CCSER1: variants seen among roughly 807,000 people sequenced by gnomAD.
CCSER1 encodes coiled-coil serine rich protein 1, also known as serine-rich coiled-coil domain-containing protein 1.
In CCSER1, 41 loss-of-function variants were observed where a neutral mutation model predicts 82.0. The ratio of observed to expected loss-of-function variants is 0.50; its 90% CI spans 0.39 to 0.65. CCSER1 has a LOEUF of 0.65. Among genes scored for constraint, CCSER1 ranks in the 30% least tolerant of loss-of-function variants. The probability of loss-of-function intolerance (pLI) is 0.00; values close to 1 mark genes in which losing one functional copy is unlikely to be tolerated. For synonymous variants in CCSER1, 414 were observed against 383.9 expected, an observed-to-expected ratio of 1.08 and a Z score of -0.92; for missense variants, 1,119 against 1,064.2, an observed-to-expected ratio of 1.05 and a Z score of -0.72.
intron 10 of CCSER1, among the ~76,000 whole-genome samples, chr4:91,446,648 T>C (rs1755577853): frequency 7.4e-6 from 1 of 134,408 alleles, no homozygotes; most frequent in African/African-American, 2.7e-5. Flanking sequence ...AATGAATATT[T>C]TATACAAATA....
intron 10 of CCSER1, among the ~76,000 whole-genome samples, chr4:91,153,913 G>A (rs770065852): frequency 8.6e-5 from 13 of 151,824 alleles, no homozygotes; most frequent in Admixed American, 2.0e-4. Context: ...GGTGTCAGTC[G>A]GCCCCTACTG....
chr4:91,301,800 T>C (rs1744690077), intron 10 of CCSER1, among the ~76,000 whole-genome samples: 1 of 151,814 alleles, frequency 6.6e-6, no homozygotes, highest in Admixed American at 6.6e-5. Flanking sequence ...GAAAGTAAAT[T>C]AAGCCACCAA....
intron 1 of CCSER1, among the ~76,000 whole-genome samples, chr4:90,253,181 T>G (rs1426713757): frequency 6.6e-6 from 1 of 152,080 alleles, no homozygotes; most frequent in Non-Finnish European, 1.5e-5. Context: ...GGCCCAACAA[T>G]ATAATTATGT....
chr4:91,263,940 A>AATG (rs1290480081), intron 10 of CCSER1, among the ~76,000 whole-genome samples: 9 of 151,936 alleles, frequency 5.9e-5, no homozygotes, highest in Non-Finnish European at 1.3e-4. Context: ...GACAACTTGA[A>AATG]GTTTCTTCCA....
At chr4:90,436,810 CTTT>C (rs989339206) in intron 4 of CCSER1, among the ~76,000 whole-genome samples, 2 of 140,488 alleles carry the variant, frequency 1.4e-5, no homozygotes, top group Admixed American at 7.1e-5. Flanking sequence ...ATATTAGTTC[CTTT>C]TTTTTTTTTT....
At chr4:90,172,347 G>A (rs986740847) in intron 1 of CCSER1, among the ~76,000 whole-genome samples, 2 of 151,780 alleles carry the variant, frequency 1.3e-5, no homozygotes, top group African/African-American at 4.8e-5. Flanking sequence ...TAGTGCAAAG[G>A]CATGCAAATA....
At chr4:90,147,945 AC>A (rs1451647773) in intron 1 of CCSER1, among the ~76,000 whole-genome samples, 2 of 152,166 alleles carry the variant, frequency 1.3e-5, no homozygotes, top group Non-Finnish European at 2.9e-5. Context: ...TGGATAGATC[AC>A]TTGAGGTCGG....
At chr4:91,347,347 C>T (rs967537482) in intron 10 of CCSER1, among the ~76,000 whole-genome samples, 1 of 152,130 alleles carries the variant, frequency 6.6e-6, no homozygotes, top group African/African-American at 2.4e-5. Context: ...CAACCTCACA[C>T]TGTCTTGATT....
chr4:90,168,606 T>C (rs1327617035), intron 1 of CCSER1, among the ~76,000 whole-genome samples: 1 of 152,222 alleles, frequency 6.6e-6, no homozygotes, highest in Non-Finnish European at 1.5e-5. Context: ...TTTATGGTTT[T>C]AGGTCTAACA....
At chr4:91,104,079 T>C (rs1032205520) in intron 10 of CCSER1, among the ~76,000 whole-genome samples, 12 of 152,160 alleles carry the variant, frequency 7.9e-5, no homozygotes, top group Admixed American at 2.6e-4. Context: ...TGCAGTACCC[T>C]TAGGCTTACT....
intron 9 of CCSER1, among the ~76,000 whole-genome samples, chr4:90,998,553 A>C (rs903192048): frequency 3.3e-5 from 5 of 152,164 alleles, no homozygotes; most frequent in African/African-American, 1.2e-4. Flanking sequence ...TTTATTTTAC[A>C]CCAATTTGCA....
chr4:90,738,388 T>C lies in CCSER1; in HGVS notation c.2010+14397T>C, dbSNP rs190302261. ...CAGACTCATAGGGGTACTGCCTTGG[T>C]TCTTGGCTAGGGTCAGGCGAATTTT... On this transcript the variant is annotated intron_variant, in intron 7 of 10. Transcript: ENST00000509176. Among the ~76,000 whole-genome samples, 218 of 152,268 alleles carry C rather than the reference T, an allele frequency of 1.4e-3. 2 individuals are homozygous for C. Among genetic ancestry groups the C allele is most frequent in the African/African-American group, 4.8e-3 (198 of 41,540 alleles).
intron 8 of CCSER1, among the ~76,000 whole-genome samples, chr4:90,820,788 G>A (rs1323681175): frequency 6.6e-6 from 1 of 151,366 alleles, no homozygotes; most frequent in Non-Finnish European, 1.5e-5. Context: ...TAAGTGGAGG[G>A]AAAAGCAGAT....
At chr4:90,530,801 G>T (rs1394032733) in intron 5 of CCSER1, among the ~76,000 whole-genome samples, 2 of 152,178 alleles carry the variant, frequency 1.3e-5, no homozygotes, top group South Asian at 2.1e-4. Flanking sequence ...TCTGCTCCTG[G>T]CTTCTGCAGC....
intron 1 of CCSER1, among the ~76,000 whole-genome samples, chr4:90,174,724 A>G (rs6532214): frequency 0.28 from 42,724 of 151,824 alleles, 7,587 homozygotes; most frequent in East Asian, 0.65. Flanking sequence ...TGAGGAAACT[A>G]CCTGAGGCCT....
Position 91,515,028 on chromosome 4 carries a change from A to ATGATGT in CCSER1, c.2218-83542_2218-83537dup, listed in dbSNP as rs565330367. On this transcript the variant is annotated intron_variant, in intron 10 of 10. Transcript: ENST00000509176. ...AAACACCCTCACAAAAACACCCGGA[A>ATGATGT]TGATGTTTTACCACATATTGAGTAC... Among the ~76,000 whole-genome samples, 333 of 152,322 alleles carry ATGATGT rather than the reference A, an allele frequency of 2.2e-3. 1 individual carries two copies. The highest frequency in any genetic ancestry group is 7.6e-3 in the African/African-American group (314 of 41,570).
chr4:91,413,702 C>G (rs1169878279), intron 10 of CCSER1, among the ~76,000 whole-genome samples: 1 of 151,964 alleles, frequency 6.6e-6, no homozygotes, highest in Non-Finnish European at 1.5e-5. Flanking sequence ...TAATAAAGCT[C>G]TGGGGATCTA....
At chr4:90,342,590 C>A (rs972256892) in intron 3 of CCSER1, among the ~76,000 whole-genome samples, 1 of 152,158 alleles carries the variant, frequency 6.6e-6, no homozygotes, top group Non-Finnish European at 1.5e-5. Context: ...AAGGAAAGGT[C>A]ATTTATCAAG....
At chr4:91,095,885 G>A (rs1724460759) in intron 10 of CCSER1, among the ~76,000 whole-genome samples, 1 of 152,024 alleles carries the variant, frequency 6.6e-6, no homozygotes, top group South Asian at 2.1e-4. Flanking sequence ...GAGGATTTTG[G>A]TAATCAGCTG....
Sources: allele counts gnomAD v4.1 joint callset (sites outside exome capture counted in the v4.1 genomes callset), GRCh38; gene constraint gnomAD v4.1.1; transcripts MANE v1.5; gene names NCBI Gene and HGNC (gene_info 2026-07-23, HGNC 2026-07-21).